KCNN2: variants seen among roughly 807,000 people sequenced by gnomAD.
KCNN2 encodes the protein potassium calcium-activated channel subfamily N member 2.
A neutral mutation model predicts 55.5 loss-of-function variants in KCNN2; 24 were observed. The ratio of observed to expected loss-of-function variants is 0.43; its 90% CI spans 0.31 to 0.61. KCNN2 has a LOEUF of 0.61. KCNN2 is among the 20% of genes least tolerant of loss of function. The probability of loss-of-function intolerance (pLI) is 0.08; values close to 1 mark genes in which losing one functional copy is unlikely to be tolerated. For missense variants in KCNN2, 754 were observed against 853.6 expected (o/e 0.88, Z 1.45); for synonymous variants, 431 against 336.1 (o/e 1.28, Z -3.09).
At chr5:114,178,002 G>T (rs994571244) in intron 1 of KCNN2, among the ~76,000 whole-genome samples, 1 of 152,146 alleles carries the variant, frequency 6.6e-6, no homozygotes, top group Non-Finnish European at 1.5e-5. Flanking sequence ...TTTATCATAT[G>T]ACATTGTTTT....
chr5:114,248,789 G>A (rs1404046123), intron 2 of KCNN2, among the ~76,000 whole-genome samples: 2 of 152,114 alleles, frequency 1.3e-5, no homozygotes, highest in South Asian at 4.2e-4. Context: ...ATTATACTGA[G>A]CATAATATTA....
intron 2 of KCNN2, among the ~76,000 whole-genome samples, chr5:114,273,935 C>T (rs1755426320): frequency 1.3e-5 from 2 of 152,200 alleles, no homozygotes; most frequent in Admixed American, 1.3e-4. Context: ...TGCCTATGTC[C>T]TGAATGGTAT....
intron 1 of KCNN2, among the ~76,000 whole-genome samples, chr5:114,176,195 C>T (rs1002277842): frequency 6.6e-6 from 1 of 152,132 alleles, no homozygotes; most frequent in Non-Finnish European, 1.5e-5. Flanking sequence ...CCACACGATG[C>T]CAGTGCACCC....
intron 1 of KCNN2, among the ~76,000 whole-genome samples, chr5:114,124,726 A>T (rs1320020544): frequency 6.6e-6 from 1 of 152,140 alleles, no homozygotes; most frequent in Non-Finnish European, 1.5e-5. Context: ...TTTTCCAAGA[A>T]ATTTACACTG....
intron 2 of KCNN2, among the ~76,000 whole-genome samples, chr5:114,397,064 T>C (rs541434254): frequency 1.3e-5 from 2 of 152,350 alleles, no homozygotes; most frequent in Admixed American, 1.3e-4. Context: ...CTCATTCTTT[T>C]TATGGCTGTG....
At chr5:114,398,876 T>C (rs1758699939) in intron 2 of KCNN2, among the ~76,000 whole-genome samples, 1 of 152,176 alleles carries the variant, frequency 6.6e-6, no homozygotes, top group African/African-American at 2.4e-5. Context: ...TGCTACTGGT[T>C]TTTATAGAGT....
chr5:114,243,770 G>C (rs1219787581), intron 2 of KCNN2, among the ~76,000 whole-genome samples: 1 of 152,112 alleles, frequency 6.6e-6, no homozygotes, highest in African/African-American at 2.4e-5. Context: ...CATCCACTAG[G>C]GATTTTGGAA....
At chr5:114,433,019 C>T (rs1759854924) in intron 3 of KCNN2, among the ~76,000 whole-genome samples, 1 of 152,188 alleles carries the variant, frequency 6.6e-6, no homozygotes, top group Non-Finnish European at 1.5e-5. Flanking sequence ...CCACCCCCTG[C>T]TCCACGGTGC....
chr5:114,239,928 T>A (rs2112613536), intron 2 of KCNN2, among the ~76,000 whole-genome samples: 1 of 152,326 alleles, frequency 6.6e-6, no homozygotes, highest in East Asian at 1.9e-4. Context: ...TAGATTGAGA[T>A]TATTTTGTAA....
chr5:114,435,846 CTATATT>C (rs1759985626), intron 3 of KCNN2, among the ~76,000 whole-genome samples: 1 of 152,026 alleles, frequency 6.6e-6, no homozygotes, highest in Non-Finnish European at 1.5e-5. Context: ...TAAAGTGAAA[CTATATT>C]TTGGGTTATC....
intron 2 of KCNN2, among the ~76,000 whole-genome samples, chr5:114,395,588 A>T (rs1758590640): frequency 6.6e-6 from 1 of 152,220 alleles, no homozygotes; most frequent in Admixed American, 6.5e-5. Flanking sequence ...TGTTAAGATT[A>T]TATGGACTGT....
chr5:114,428,848 C>A (rs2150085523), intron 3 of KCNN2, among the ~76,000 whole-genome samples: 1 of 152,180 alleles, frequency 6.6e-6, no homozygotes, highest in East Asian at 1.9e-4. Context: ...AGATTGGCTT[C>A]TTTCACTTAG....
chr5:114,406,140 C>G (rs1217657200), intron 3 of KCNN2, among the ~76,000 whole-genome samples: 1 of 151,146 alleles, frequency 6.6e-6, no homozygotes, highest in Middle Eastern at 3.6e-3. Context: ...CTGACCACCC[C>G]CCAGCCCATT....
intron 1 of KCNN2, among the ~76,000 whole-genome samples, chr5:114,058,493 C>T (rs185682161): frequency 6.6e-6 from 1 of 152,236 alleles, no homozygotes; most frequent in Non-Finnish European, 1.5e-5. Flanking sequence ...CAAAGTATGA[C>T]AGGGCATGCT....
rs527314466 is a variant in KCNN2, at chr5:114,413,443, C to T, written c.1637+8587C>T. Among the ~76,000 whole-genome samples the T allele has an allele frequency of 8.3e-4, 127 of 152,232 alleles. 1 individual carries two copies. Among genetic ancestry groups the T allele is most frequent in the African/African-American group, 2.9e-3 (120 of 41,534 alleles). The stretch of plus-strand genomic sequence containing the variant: ...GGGACTACAGGTGCCCGCCACCATG[C>T]CTGGCTAATTTTTTATGTATTTTTA... On this transcript the variant is annotated intron_variant, in intron 3 of 7. Coordinates refer to ENST00000673685, the MANE Select transcript of KCNN2 (RefSeq NM_021614.4).
At chr5:114,160,321 A>G (rs568143346) in intron 1 of KCNN2, among the ~76,000 whole-genome samples, 68 of 152,212 alleles carry the variant, frequency 4.5e-4, no homozygotes, top group African/African-American at 1.2e-3. Context: ...GCTTTGAGTG[A>G]GTTTCTTATT....
At chr5:114,232,232 G>A (rs183421456) in intron 2 of KCNN2, among the ~76,000 whole-genome samples, 7 of 150,886 alleles carry the variant, frequency 4.6e-5, no homozygotes, top group East Asian at 1.9e-4. Flanking sequence ...TAATGGTCTC[G>A]TCTGAATTAG....
At chr5:114,484,324 G>T (rs1170170591) in intron 5 of KCNN2, among the ~76,000 whole-genome samples, 2 of 152,140 alleles carry the variant, frequency 1.3e-5, no homozygotes, top group Admixed American at 1.3e-4. Flanking sequence ...TCCCTCCAAA[G>T]ATGGGAGGGA....
intron 1 of KCNN2, among the ~76,000 whole-genome samples, chr5:114,128,705 G>A (rs989350469): frequency 6.6e-6 from 1 of 151,994 alleles, no homozygotes; most frequent in South Asian, 2.1e-4. Flanking sequence ...TCCCTCACAG[G>A]ATCATTAACA....
Sources: allele counts gnomAD v4.1 joint callset (sites outside exome capture counted in the v4.1 genomes callset), GRCh38; gene constraint gnomAD v4.1.1; transcripts MANE v1.5; gene names NCBI Gene and HGNC (gene_info 2026-07-23, HGNC 2026-07-21).